The following PDGFD variants were observed in gnomAD, a reference collection of about 807,000 sequenced individuals.
PDGFD encodes platelet derived growth factor D.
Under a neutral mutation model 44.7 loss-of-function variants are expected in PDGFD, and 30 were observed. The observed-to-expected ratio is 0.67, with a 90% CI of 0.50 to 0.91. The LOEUF is 0.91. Ranked by LOEUF, PDGFD falls within the 40% of genes least tolerant of loss-of-function variation. The pLI is 0.00. For synonymous variants in PDGFD, 173 were observed against 168.4 expected (o/e 1.03, Z -0.21); for missense variants, 445 against 457.8 (o/e 0.97, Z 0.25).
At chr11:103,919,716 C>T (rs1360479441) in intron 6 of PDGFD, among the ~76,000 whole-genome samples, 2 of 151,824 alleles carry the variant, frequency 1.3e-5, no homozygotes, top group Non-Finnish European at 2.9e-5. Context: ...CCCACGTTGG[C>T]CAGGCTGGTC....
chr11:104,033,779 C>G (rs1222410133), intron 1 of PDGFD, among the ~76,000 whole-genome samples: 1 of 152,134 alleles, frequency 6.6e-6, no homozygotes, highest in Non-Finnish European at 1.5e-5. Flanking sequence ...TCAATCTGTT[C>G]TTTAGCAGAG....
chr11:104,006,830 G>A (rs1859709814), intron 1 of PDGFD, among the ~76,000 whole-genome samples: 1 of 152,130 alleles, frequency 6.6e-6, no homozygotes, highest in Non-Finnish European at 1.5e-5. Flanking sequence ...ATCCTGGTGA[G>A]AGCCGCCTCC....
intron 6 of PDGFD, among the ~76,000 whole-genome samples, chr11:103,925,917 C>T (rs547266827): frequency 4.6e-5 from 7 of 151,750 alleles, no homozygotes; most frequent in South Asian, 4.2e-4. Flanking sequence ...TTAGTAGAGA[C>T]GGGGTTTTGC....
At chr11:104,003,663 T>C (rs564400346) in intron 1 of PDGFD, among the ~76,000 whole-genome samples, 17 of 152,254 alleles carry the variant, frequency 1.1e-4, no homozygotes, top group African/African-American at 3.8e-4. Context: ...GGAATGTAAG[T>C]TTGGTTTTGA....
chr11:104,055,680 AT>A (rs1860608038), intron 1 of PDGFD, among the ~76,000 whole-genome samples: 1 of 152,318 alleles, frequency 6.6e-6, no homozygotes, highest in African/African-American at 2.4e-5. Context: ...CCTTCCCAGA[AT>A]TTGTGCTGAA....
At chr11:104,092,006 C>G (rs777011187) in intron 1 of PDGFD, among the ~76,000 whole-genome samples, 1 of 152,124 alleles carries the variant, frequency 6.6e-6, no homozygotes, top group Non-Finnish European at 1.5e-5. Flanking sequence ...CATGATCCCA[C>G]GTAATTGTTA....
At chr11:103,926,317 C>T (rs1406213536) in intron 6 of PDGFD, among the ~76,000 whole-genome samples, 1 of 152,128 alleles carries the variant, frequency 6.6e-6, no homozygotes, top group East Asian at 1.9e-4. Context: ...GGTTATTGTG[C>T]TCTTTAAGTT....
chr11:103,987,108 C>T (rs918447510), intron 3 of PDGFD, among the ~76,000 whole-genome samples: 1 of 143,878 alleles, frequency 7.0e-6, no homozygotes, highest in Admixed American at 7.3e-5. Context: ...AACTCCAATC[C>T]TTGAGTTTTT....
intron 1 of PDGFD, among the ~76,000 whole-genome samples, chr11:104,162,053 C>T (rs977800408): frequency 2.0e-5 from 3 of 150,960 alleles, no homozygotes; most frequent in African/African-American, 7.3e-5. Context: ...GTTTTTAAAG[C>T]TTTCATGAAA....
At chr11:104,049,393 T>C (rs1288417396) in intron 1 of PDGFD, among the ~76,000 whole-genome samples, 2 of 152,062 alleles carry the variant, frequency 1.3e-5, no homozygotes, top group Non-Finnish European at 2.9e-5. Context: ...ACAAAGAGAA[T>C]GGTTAGGGTG....
intron 1 of PDGFD, among the ~76,000 whole-genome samples, chr11:104,030,258 T>A (rs1860104440): frequency 6.6e-6 from 1 of 152,204 alleles, no homozygotes. Context: ...AAACTCAACC[T>A]GTATATACAT....
intron 1 of PDGFD, among the ~76,000 whole-genome samples, chr11:104,128,227 G>C (rs1182017798): frequency 6.6e-6 from 1 of 151,648 alleles, no homozygotes; most frequent in Non-Finnish European, 1.5e-5. Context: ...AAAAAATGTG[G>C]AATAGGTGAG....
chr11:103,967,027 T>C (rs1407434084), intron 3 of PDGFD, among the ~76,000 whole-genome samples: 3 of 152,168 alleles, frequency 2.0e-5, no homozygotes, highest in Non-Finnish European at 4.4e-5. Context: ...TTTCAAACCA[T>C]TGATATTTTT....
intron 1 of PDGFD, among the ~76,000 whole-genome samples, chr11:104,100,366 G>A (rs536094641): frequency 2.0e-5 from 3 of 152,282 alleles, no homozygotes; most frequent in Admixed American, 1.3e-4. Context: ...AAATCTAGAA[G>A]AAATGGATAA....
chr11:104,127,904 T>C (rs1421710901), intron 1 of PDGFD, among the ~76,000 whole-genome samples: 80 of 152,192 alleles, frequency 5.3e-4, no homozygotes, highest in Non-Finnish European at 8.8e-5. Context: ...TTAGTATTGG[T>C]ATTTAGTGTT....
At chr11:103,912,084 A>T (rs897367778) in intron 6 of PDGFD, among the ~76,000 whole-genome samples, 1 of 152,206 alleles carries the variant, frequency 6.6e-6, no homozygotes, top group Non-Finnish European at 1.5e-5. Flanking sequence ...GAATTTCCCC[A>T]TCTATCAGGG....
At position 103,943,395 on chromosome 11, in the gene PDGFD, T is replaced by G. The variant is rs1398343909; in HGVS notation, c.772+57A>C. ...ATACTTTGGATAAGGGATACTCAGC[T>G]TGTACTGTTAAGATTTCTATGTGCT... On this transcript the variant is annotated intron_variant, in intron 5 of 6. Transcript: ENST00000393158. The G allele has an allele frequency of 1.9e-5, 29 of 1,508,732 alleles. 1 individual carries two copies. The highest frequency in any genetic ancestry group is 2.3e-5 in the Non-Finnish European group (25 of 1,096,044). 93.5% of individuals were successfully genotyped at this position (1,508,732 alleles called of 1,614,324 possible).
chr11:104,052,023 C>T (rs552788390), intron 1 of PDGFD, among the ~76,000 whole-genome samples: 4 of 152,272 alleles, frequency 2.6e-5, no homozygotes, highest in East Asian at 1.9e-4. Context: ...CCACATTCCC[C>T]GTTCCTCCTT....
intron 1 of PDGFD, among the ~76,000 whole-genome samples, chr11:104,040,758 A>G (rs1341128193): frequency 6.6e-6 from 1 of 151,934 alleles, no homozygotes; most frequent in Non-Finnish European, 1.5e-5. Flanking sequence ...TTGTGACCCA[A>G]TTTTACACAC....
Sources: allele counts gnomAD v4.1 joint callset (sites outside exome capture counted in the v4.1 genomes callset), GRCh38; gene constraint gnomAD v4.1.1; transcripts MANE v1.5; gene names NCBI Gene and HGNC (gene_info 2026-07-23, HGNC 2026-07-21).